The following LYN variants were observed in gnomAD, a reference collection of about 807,000 sequenced individuals.
LYN encodes the protein LYN proto-oncogene, Src family tyrosine kinase.
In LYN, 12 loss-of-function variants were observed where a neutral mutation model predicts 65.0. The ratio of observed to expected loss-of-function variants is 0.18; its 90% CI spans 0.12 to 0.30. The LOEUF is 0.30. Among genes scored for constraint, LYN ranks in the 10% least tolerant of loss-of-function variants. The pLI, the probability that LYN is intolerant of heterozygous loss-of-function variation, is 1.00. For synonymous variants in LYN, 222 were observed against 221.2 expected, an observed-to-expected ratio of 1.00 and a Z score of -0.03; for missense variants, 380 against 623.2, an observed-to-expected ratio of 0.61 and a Z score of 4.16.
At chr8:55,961,823 G>A (rs796419375) in intron 8 of LYN, among the ~76,000 whole-genome samples, 2 of 151,974 alleles carry the variant, frequency 1.3e-5, no homozygotes, top group South Asian at 2.1e-4. Context: ...CTGGTGTGTC[G>A]ACCTCTGAGA....
chr8:55,885,520 T>C (rs1464444366), intron 1 of LYN, among the ~76,000 whole-genome samples: 2 of 152,204 alleles, frequency 1.3e-5, no homozygotes, highest in African/African-American at 4.8e-5. Flanking sequence ...GAGGTCTTCG[T>C]GTGGTCTTTG....
chr8:55,895,036 A>G (rs1329750011), intron 1 of LYN, among the ~76,000 whole-genome samples: 1 of 148,764 alleles, frequency 6.7e-6, no homozygotes, highest in Non-Finnish European at 1.5e-5. Context: ...CTGGTCTTGA[A>G]CTCCTGGTCT....
chr8:55,887,603 C>CACACACAT (rs775901867), intron 1 of LYN, among the ~76,000 whole-genome samples: 1,366 of 111,934 alleles, frequency 0.012, 27 homozygotes, highest in African/African-American at 0.039. Context: ...CACACACACA[C>CACACACAT]ATATATATAT....
chr8:55,894,782 G>A (rs1049112645), intron 1 of LYN, among the ~76,000 whole-genome samples: 4 of 151,886 alleles, frequency 2.6e-5, no homozygotes, highest in Non-Finnish European at 4.4e-5. Flanking sequence ...TGATCCACCC[G>A]CCTCAGCCTC....
chr8:55,942,413 A>G (rs7461530), intron 2 of LYN, among the ~76,000 whole-genome samples: 3 of 143,868 alleles, frequency 2.1e-5, no homozygotes, highest in Non-Finnish European at 3.0e-5. Context: ...GTGTATATAT[A>G]TGTGTGTATA....
At chr8:55,996,326 C>T (rs1340423427) in intron 10 of LYN, among the ~76,000 whole-genome samples, 1 of 152,178 alleles carries the variant, frequency 6.6e-6, no homozygotes, top group Admixed American at 6.5e-5. Flanking sequence ...TAATCTTTTG[C>T]TAAGCAACGT....
chr8:55,968,533 A>G (rs2130527837), intron 9 of LYN, among the ~76,000 whole-genome samples: 1 of 152,346 alleles, frequency 6.6e-6, no homozygotes, highest in Non-Finnish European at 1.5e-5. Context: ...CTGGAATTAT[A>G]GGTGTGAGCC....
chr8:55,983,095 C>T (rs898760066), intron 10 of LYN, among the ~76,000 whole-genome samples: 7 of 152,274 alleles, frequency 4.6e-5, no homozygotes, highest in Middle Eastern at 3.4e-3. Flanking sequence ...GTGACCTGCA[C>T]TGAGATGCCT....
intron 1 of LYN, among the ~76,000 whole-genome samples, chr8:55,895,252 G>C (rs1805061976): frequency 6.6e-6 from 1 of 152,086 alleles, no homozygotes; most frequent in Non-Finnish European, 1.5e-5. Flanking sequence ...GAGAATGGAG[G>C]GAATATTGGA....
intron 2 of LYN, among the ~76,000 whole-genome samples, chr8:55,944,435 A>T (rs934682391): frequency 1.3e-5 from 2 of 152,128 alleles, no homozygotes; most frequent in African/African-American, 4.8e-5. Flanking sequence ...TATGCTATAG[A>T]TTTTGTAGGT....
intron 1 of LYN, among the ~76,000 whole-genome samples, chr8:55,909,052 C>T (rs1051992635): frequency 2.1e-5 from 2 of 93,740 alleles, no homozygotes; most frequent in Non-Finnish European, 2.1e-5. Flanking sequence ...CACACACACA[C>T]CCCACATTTT....
At chr8:55,924,462 A>G (rs1806041101) in intron 1 of LYN, among the ~76,000 whole-genome samples, 1 of 151,822 alleles carries the variant, frequency 6.6e-6, no homozygotes, top group African/African-American at 2.4e-5. Context: ...TCCTGGGTTC[A>G]AGTAATTCTC....
chr8:55,990,503 G>T (rs921325231), intron 10 of LYN, among the ~76,000 whole-genome samples: 2 of 152,138 alleles, frequency 1.3e-5, no homozygotes, highest in Non-Finnish European at 2.9e-5. Flanking sequence ...ATTCTCTATA[G>T]AATATAAATT....
At chr8:55,933,296 C>A (rs1806322658) in intron 1 of LYN, among the ~76,000 whole-genome samples, 1 of 151,994 alleles carries the variant, frequency 6.6e-6, no homozygotes, top group Non-Finnish European at 1.5e-5. Flanking sequence ...AGTTGAAAAC[C>A]CTCACAGAAC....
chr8:55,985,003 A>G (rs1808037044), intron 10 of LYN, among the ~76,000 whole-genome samples: 1 of 152,242 alleles, frequency 6.6e-6, no homozygotes, highest in Admixed American at 6.5e-5. Context: ...AGCAGTCATT[A>G]AGGACTAGGG....
chr8:55,917,836 T>C lies in LYN; in HGVS notation c.-5-24019T>C, dbSNP rs565656996. On this transcript the variant is annotated intron_variant, in intron 1 of 12. Coordinates refer to ENST00000519728, the MANE Select transcript of LYN (RefSeq NM_002350.4). ...CAATGGCAGAGGCTGGAATAGATTT[T>C]CCCAAATCTCCTGATGTGAAGTTCT... 3.9e-5 allele frequency among the ~76,000 whole-genome samples: 6 copies of C among 152,358 alleles called. No homozygotes were observed. The East Asian group carries it at 9.6e-4, about 24-fold the overall frequency.
intron 6 of LYN, among the ~76,000 whole-genome samples, chr8:55,951,197 C>G (rs1428679233): frequency 6.6e-6 from 1 of 151,806 alleles, no homozygotes; most frequent in Non-Finnish European, 1.5e-5. Context: ...GAGCCGTGAT[C>G]ACGCCACTGC....
intron 6 of LYN, among the ~76,000 whole-genome samples, chr8:55,951,754 A>AT (rs148963886): frequency 0.026 from 3,930 of 152,224 alleles, 59 homozygotes; most frequent in African/African-American, 0.029. Context: ...AAGAAAGAAA[A>AT]TGGTATGTTG....
chr8:55,953,190 A>C (rs1372273623), intron 7 of LYN, among the ~76,000 whole-genome samples: 1 of 152,194 alleles, frequency 6.6e-6, no homozygotes, highest in Non-Finnish European at 1.5e-5. Context: ...AGTCCCCACT[A>C]TGGTGCCCTG....
Sources: allele counts gnomAD v4.1 joint callset (sites outside exome capture counted in the v4.1 genomes callset), GRCh38; gene constraint gnomAD v4.1.1; transcripts MANE v1.5; gene names NCBI Gene and HGNC (gene_info 2026-07-23, HGNC 2026-07-21).